RNGTT: variants seen among roughly 807,000 people sequenced by gnomAD.
RNGTT encodes RNA guanylyltransferase and 5'-phosphatase.
RNGTT carries 33 observed loss-of-function variants against 79.3 expected under a neutral mutation model. The observed-to-expected ratio is 0.42, with a 90% CI of 0.32 to 0.56. The LOEUF (loss-of-function observed/expected upper bound fraction) is 0.56. Among genes scored for constraint, RNGTT ranks in the 20% least tolerant of loss-of-function variants. The pLI is 0.17. For synonymous variants in RNGTT, 222 were observed against 235.9 expected (o/e 0.94, Z 0.54); for missense variants, 497 against 739.1 (o/e 0.67, Z 3.80).
At chr6:88,700,290 C>A (rs554418642) in intron 13 of RNGTT, among the ~76,000 whole-genome samples, 13 of 152,208 alleles carry the variant, frequency 8.5e-5, no homozygotes, top group Non-Finnish European at 8.8e-5. Flanking sequence ...ATATTCATCC[C>A]TTTCTTTATT....
At chr6:88,693,310 C>T (rs550447469) in intron 13 of RNGTT, among the ~76,000 whole-genome samples, 1 of 151,992 alleles carries the variant, frequency 6.6e-6, no homozygotes, top group Non-Finnish European at 1.5e-5. Flanking sequence ...CTTAGAAATA[C>T]AAAGGATCAT....
At chr6:88,726,389 CA>C (rs61210098) in intron 13 of RNGTT, among the ~76,000 whole-genome samples, 35,344 of 99,452 alleles carry the variant, frequency 0.36, 4,654 homozygotes, top group Non-Finnish European at 0.43. Context: ...ATCCTAAGTC[CA>C]AAAAAAAAAA....
chr6:88,930,407 C>T (rs1043983671), intron 2 of RNGTT, among the ~76,000 whole-genome samples: 4 of 151,740 alleles, frequency 2.6e-5, no homozygotes, highest in Admixed American at 6.6e-5. Flanking sequence ...CAGTGGCTCA[C>T]GCCTGTAATC....
At chr6:88,937,734 T>A (rs931153281) in intron 2 of RNGTT, among the ~76,000 whole-genome samples, 16 of 152,218 alleles carry the variant, frequency 1.1e-4, no homozygotes, top group African/African-American at 3.6e-4. Context: ...GGTTTTGGTA[T>A]GTTGTGTTTC....
intron 12 of RNGTT, among the ~76,000 whole-genome samples, chr6:88,790,294 G>A (rs1220806224): frequency 2.0e-5 from 3 of 152,140 alleles, no homozygotes; most frequent in African/African-American, 7.2e-5. Context: ...TAAGGCATAG[G>A]ACATAAAACA....
intron 12 of RNGTT, among the ~76,000 whole-genome samples, chr6:88,800,022 C>T (rs1779732488): frequency 6.6e-6 from 1 of 152,118 alleles, no homozygotes; most frequent in South Asian, 2.1e-4. Context: ...GTCCTCCTCC[C>T]TCTCCTCCTC....
intron 14 of RNGTT, among the ~76,000 whole-genome samples, chr6:88,619,704 T>C (rs1268038511): frequency 6.6e-6 from 1 of 152,278 alleles, no homozygotes; most frequent in Non-Finnish European, 1.5e-5. Flanking sequence ...GTTATAATTC[T>C]ACCTTTTGAT....
chr6:88,849,613 G>C lies in RNGTT; in HGVS notation c.1104+142C>G, dbSNP rs1350302826. 5.1e-6 allele frequency: 3 copies of C among 586,620 alleles called. No homozygotes were observed. In the African/African-American group the frequency reaches 5.9e-5, roughly 11 times the overall value. The allele number at this position is 586,620 out of a possible 1,614,324, so 36.3% of individuals were successfully genotyped here. Reference sequence around the variant, plus strand: ...AGAGAAAGAAAAGGAGATATAAAAGGATTAAAAAAAAGATTCCCAGTGAGT... The same window carrying C: ...AGAGAAAGAAAAGGAGATATAAAAGCATTAAAAAAAAGATTCCCAGTGAGT... On this transcript the variant is annotated intron_variant, in intron 10 of 15. Coordinates refer to ENST00000369485, the MANE Select transcript of RNGTT (RefSeq NM_003800.5).
chr6:88,712,204 T>C (rs9444639), intron 13 of RNGTT, among the ~76,000 whole-genome samples: 1 of 152,062 alleles, frequency 6.6e-6, no homozygotes, highest in Non-Finnish European at 1.5e-5. Flanking sequence ...AGTAAACAGC[T>C]CATATAAGGC....
chr6:88,629,355 C>A (rs1772757913), intron 14 of RNGTT, among the ~76,000 whole-genome samples: 1 of 152,124 alleles, frequency 6.6e-6, no homozygotes, highest in African/African-American at 2.4e-5. Context: ...AAAAAAGATG[C>A]AAACATAAAA....
rs1290639260 is a variant in RNGTT, at chr6:88,890,484, G to C, written c.896+11C>G. ...GGTTATTTGTGTAATTTTTTTAGAA[G>C]TCTAACTTACCGAGTACCATCTGCT... On this transcript the variant is annotated intron_variant, in intron 8 of 15. Transcript: ENST00000369485. 6.5e-7 allele frequency: 1 copy of C among 1,548,738 alleles called. No homozygotes were observed. Among genetic ancestry groups the C allele is most frequent in the East Asian group, 2.3e-5 (1 of 44,210 alleles).
intron 12 of RNGTT, among the ~76,000 whole-genome samples, chr6:88,800,406 A>T (rs79049318): frequency 0.023 from 3,438 of 152,326 alleles, 127 homozygotes; most frequent in African/African-American, 0.078. Context: ...CAACCTGTAC[A>T]GTATTTAATA....
chr6:88,861,352 CA>C (rs981439441), intron 8 of RNGTT, among the ~76,000 whole-genome samples: 2 of 152,052 alleles, frequency 1.3e-5, no homozygotes, highest in African/African-American at 4.8e-5. Context: ...GTCATGTGTT[CA>C]AAAAACAATA....
At chr6:88,781,699 G>C (rs745347297) in intron 12 of RNGTT, among the ~76,000 whole-genome samples, 3 of 152,052 alleles carry the variant, frequency 2.0e-5, no homozygotes, top group Non-Finnish European at 4.4e-5. Context: ...TTATTCATTA[G>C]TACCCTAAAG....
At chr6:88,899,529 C>T (rs533693984) in intron 6 of RNGTT, among the ~76,000 whole-genome samples, 2 of 152,184 alleles carry the variant, frequency 1.3e-5, no homozygotes, top group Admixed American at 6.5e-5. Flanking sequence ...CCTTCCGCCT[C>T]GGCCTCCCAA....
At chr6:88,717,202 C>T (rs1383001837) in intron 13 of RNGTT, among the ~76,000 whole-genome samples, 1 of 152,186 alleles carries the variant, frequency 6.6e-6, no homozygotes, top group Non-Finnish European at 1.5e-5. Context: ...AAATGAATTT[C>T]ATGTAACAAT....
intron 1 of RNGTT, among the ~76,000 whole-genome samples, chr6:88,956,625 G>A (rs1009069474): frequency 1.3e-5 from 2 of 152,098 alleles, no homozygotes; most frequent in African/African-American, 4.8e-5. Context: ...GATGAACATA[G>A]ATGCAAAAAT....
chr6:88,836,559 C>T (rs901179899), intron 11 of RNGTT, among the ~76,000 whole-genome samples: 6 of 151,882 alleles, frequency 4.0e-5, no homozygotes, highest in African/African-American at 1.2e-4. Flanking sequence ...CAGGGGAACA[C>T]GGTGAAACCC....
intron 14 of RNGTT, among the ~76,000 whole-genome samples, chr6:88,645,820 G>T (rs1773526901): frequency 6.6e-6 from 1 of 152,194 alleles, no homozygotes; most frequent in Non-Finnish European, 1.5e-5. Flanking sequence ...GCTGAAACTG[G>T]ATCCCTTCCT....
Sources: allele counts gnomAD v4.1 joint callset (sites outside exome capture counted in the v4.1 genomes callset), GRCh38; gene constraint gnomAD v4.1.1; transcripts MANE v1.5; gene names NCBI Gene and HGNC (gene_info 2026-07-23, HGNC 2026-07-21).